Variants in SGCD observed in about 807,000 individuals in gnomAD.
The protein encoded by SGCD is delta-sarcoglycan.
A neutral mutation model predicts 36.6 loss-of-function variants in SGCD; 18 were observed. That is an observed-to-expected ratio of 0.49 (90% CI 0.34 to 0.73). The LOEUF is 0.73. SGCD is among the 30% of genes least tolerant of loss of function. The pLI is 0.01. For synonymous variants in SGCD, 133 were observed against 130.6 expected, an observed-to-expected ratio of 1.02 and a Z score of -0.12; for missense variants, 387 against 346.7, an observed-to-expected ratio of 1.12 and a Z score of -0.92.
chr5:156,012,965 T>A (rs916874477), intron 1 of SGCD, among the ~76,000 whole-genome samples: 4 of 149,196 alleles, frequency 2.7e-5, no homozygotes, highest in African/African-American at 9.8e-5. Context: ...TTATTATTTA[T>A]ATATATAATA....
At chr5:156,695,138 T>TG (rs1561861645) in intron 7 of SGCD, among the ~76,000 whole-genome samples, 6 of 145,900 alleles carry the variant, frequency 4.1e-5, no homozygotes, top group South Asian at 2.2e-4. Context: ...GTGTGTGTGT[T>TG]TGTGTGTGTG....
At chr5:155,801,374 T>C in the SGCD span, among the ~76,000 whole-genome samples, 1 of 152,218 alleles carries the variant, frequency 6.6e-6, no homozygotes, top group African/African-American at 2.4e-5. Flanking sequence ...CTTGGCTGTT[T>C]AGAGCTCAGG....
chr5:155,886,117 A>G (rs1358250812), intron 1 of SGCD, among the ~76,000 whole-genome samples: 1 of 152,204 alleles, frequency 6.6e-6, no homozygotes, highest in Non-Finnish European at 1.5e-5. Context: ...TATTTACTGC[A>G]TGTCTTAGTG....
rs960241650 is a variant in SGCD, at chr5:155,891,406, A to G, written c.-282+20982A>G. 2.0e-5 allele frequency among the ~76,000 whole-genome samples: 3 copies of G among 152,116 alleles called. No homozygotes were observed. The South Asian group carries it at 6.2e-4, about 31-fold the overall frequency. ...CCTCAGTTTTGCCATTCGTAAATTA[A>G]AGAAGTTGGGCTTATTAAGCTCCCT... On this transcript the variant is annotated intron_variant, in intron 1 of 9. Coordinates refer to the SGCD transcript ENST00000517913.
intron 3 of SGCD, among the ~76,000 whole-genome samples, chr5:156,475,430 G>A (rs1755138005): frequency 6.6e-6 from 1 of 152,142 alleles, no homozygotes; most frequent in South Asian, 2.1e-4. Context: ...GATTCATGCA[G>A]AAGAGAAAAA....
At chr5:155,777,656 A>C in the SGCD span, among the ~76,000 whole-genome samples, 5 of 152,146 alleles carry the variant, frequency 3.3e-5, no homozygotes, top group African/African-American at 1.2e-4. Flanking sequence ...GTGCCCGGCC[A>C]TAGAAATGTT....
At chr5:155,822,446 C>T in the SGCD span, among the ~76,000 whole-genome samples, 1 of 152,146 alleles carries the variant, frequency 6.6e-6, no homozygotes, top group African/African-American at 2.4e-5. Context: ...TTGAAATGTC[C>T]TGAAATTGAC....
chr5:155,848,346 T>C, the SGCD span, among the ~76,000 whole-genome samples: 1 of 152,182 alleles, frequency 6.6e-6, no homozygotes. Context: ...TCTATGTCCA[T>C]ATACCCCTGA....
intron 7 of SGCD, among the ~76,000 whole-genome samples, chr5:156,705,377 G>C (rs1285069642): frequency 6.6e-6 from 1 of 152,154 alleles, no homozygotes; most frequent in Non-Finnish European, 1.5e-5. Flanking sequence ...GACTGATCAA[G>C]TATGAGCTAA....
At chr5:156,392,805 C>T (rs1771647754) in intron 3 of SGCD, among the ~76,000 whole-genome samples, 1 of 152,128 alleles carries the variant, frequency 6.6e-6, no homozygotes, top group Admixed American at 6.5e-5. Context: ...CCCAGCCAAA[C>T]TTTGGGTCAT....
chr5:156,096,926 A>T (rs557282477), intron 1 of SGCD, among the ~76,000 whole-genome samples: 1 of 152,116 alleles, frequency 6.6e-6, no homozygotes, highest in East Asian at 1.9e-4. Flanking sequence ...TCATCTGAGA[A>T]TATTTTTATT....
the SGCD span, among the ~76,000 whole-genome samples, chr5:155,836,442 C>A: frequency 7.5e-4 from 114 of 151,660 alleles, no homozygotes; most frequent in African/African-American, 2.6e-3. Flanking sequence ...TATGGGGCCA[C>A]CTTGGAACTT....
chr5:155,875,572 G>A (rs1432723), intron 1 of SGCD, among the ~76,000 whole-genome samples: 28,940 of 151,796 alleles, frequency 0.19, 3,623 homozygotes, highest in Admixed American at 0.41. Flanking sequence ...GGCCTTGCAC[G>A]AAGCTGTGAC....
chr5:156,469,211 T>A (rs751222849), intron 3 of SGCD, among the ~76,000 whole-genome samples: 5 of 152,092 alleles, frequency 3.3e-5, no homozygotes, highest in Non-Finnish European at 1.5e-5. Flanking sequence ...GTTTTGAGAG[T>A]TTTTTTAGTC....
intron 3 of SGCD, among the ~76,000 whole-genome samples, chr5:156,253,915 A>T (rs1277210170): frequency 1.3e-5 from 2 of 152,220 alleles, no homozygotes; most frequent in African/African-American, 2.4e-5. Context: ...TAAGTTGATT[A>T]TACCAAGATT....
At chr5:155,839,263 G>T in the SGCD span, among the ~76,000 whole-genome samples, 1 of 152,166 alleles carries the variant, frequency 6.6e-6, no homozygotes, top group Non-Finnish European at 1.5e-5. Flanking sequence ...CATCAGTGTG[G>T]AATCAAACAG....
At chr5:156,194,558 G>T (rs1047224344) in intron 3 of SGCD, among the ~76,000 whole-genome samples, 7 of 151,870 alleles carry the variant, frequency 4.6e-5, no homozygotes, top group African/African-American at 1.7e-4. Flanking sequence ...AGGAATTTAA[G>T]GTATTTTGCA....
At chr5:156,432,793 G>A (rs1753079114) in intron 3 of SGCD, among the ~76,000 whole-genome samples, 1 of 152,130 alleles carries the variant, frequency 6.6e-6, no homozygotes, top group Non-Finnish European at 1.5e-5. Context: ...AGTTGGTGAA[G>A]CTGGTCTAAC....
At chr5:156,104,844 G>A (rs909536545) in intron 1 of SGCD, among the ~76,000 whole-genome samples, 3 of 152,170 alleles carry the variant, frequency 2.0e-5, no homozygotes, top group Admixed American at 6.5e-5. Context: ...TCTTTAAAAA[G>A]GAGATAATGC....
Sources: gnomAD v4.1 joint callset for allele counts (sites outside exome capture counted in the v4.1 genomes callset) on GRCh38, gnomAD v4.1.1 for gene constraint, MANE v1.5 for transcripts, NCBI Gene and HGNC (gene_info 2026-07-23, HGNC 2026-07-21) for gene names.